Variants in MYO5B observed in about 807,000 individuals in gnomAD.
The protein encoded by MYO5B is unconventional myosin-Vb.
A neutral mutation model predicts 229.3 loss-of-function variants in MYO5B; 143 were observed. The ratio of observed to expected loss-of-function variants is 0.62; its 90% CI spans 0.54 to 0.72. MYO5B has a LOEUF of 0.72. MYO5B is among the 30% of genes least tolerant of loss of function. The pLI is 0.00. For missense variants in MYO5B, 2,321 were observed against 2,331.0 expected (o/e 1.00, Z 0.09); for synonymous variants, 918 against 885.2 (o/e 1.04, Z -0.66).
chr18:49,918,856 C>T (rs2025045488), intron 17 of MYO5B, among the ~76,000 whole-genome samples: 1 of 152,104 alleles, frequency 6.6e-6, no homozygotes, highest in Non-Finnish European at 1.5e-5. Flanking sequence ...CAAGAGTTTC[C>T]CTTGGAAGTG....
intron 4 of MYO5B, among the ~76,000 whole-genome samples, chr18:50,030,531 T>C (rs111296212): frequency 1.5e-3 from 218 of 147,848 alleles, no homozygotes; most frequent in African/African-American, 4.6e-3. Context: ...TTCACACTTA[T>C]GGGGATCCAA....
rs187143799 is a variant in MYO5B at position 49,855,882 on chromosome 18, C to G, written c.4022+931G>C. On this transcript the variant is annotated intron_variant, in intron 30 of 39. Coordinates refer to ENST00000285039, the MANE Select transcript of MYO5B (RefSeq NM_001080467.3). ...GCATGAGGGCTTCTGGCTCCTGCTC[C>G]GCCACCACCTGGCTGAGGGAGCTGG... Among the ~76,000 whole-genome samples, 30 of 152,240 alleles carry G rather than the reference C, an allele frequency of 2.0e-4. 1 individual carries two copies. The highest frequency in any genetic ancestry group is 4.1e-4 in the South Asian group (2 of 4,832).
chr18:50,094,971 G>A (rs2031521729), intron 1 of MYO5B, among the ~76,000 whole-genome samples: 1 of 152,184 alleles, frequency 6.6e-6, no homozygotes, highest in South Asian at 2.1e-4. Flanking sequence ...GGCACTACAG[G>A]CGTGCACCAC....
rs16951438 is a variant in MYO5B at position 50,055,378 on chromosome 18, A to C, written c.28T>G (p.Cys10Gly). The C allele has an allele frequency of 3.9e-3, 6,300 of 1,612,224 alleles. 112 individuals carry two copies. The African/African-American group carries it at 0.054, about 14-fold the overall frequency. Reference sequence around the variant, plus strand: ...GGGTCAGGGATCCAGACCCTTGTGCACTGAAAGATTAAAACAGAAGAAACT... The same window carrying C: ...GGGTCAGGGATCCAGACCCTTGTGCCCTGAAAGATTAAAACAGAAGAAACT... MSVGELYSQ[C>G]TRVWIPDPDE... The change falls in exon 2 of 40, where the codon TGC becomes GGC. Residue 10 changes from cysteine to glycine, a missense_variant and splice_region_variant. Coordinates refer to ENST00000285039, the MANE Select transcript of MYO5B (RefSeq NM_001080467.3).
chr18:50,030,246 T>C (rs904786096), intron 4 of MYO5B, among the ~76,000 whole-genome samples: 25 of 152,320 alleles, frequency 1.6e-4, no homozygotes, highest in African/African-American at 6.0e-4. Flanking sequence ...ATTGTCGTTT[T>C]GACCTCCAAA....
intron 1 of MYO5B, among the ~76,000 whole-genome samples, chr18:50,057,886 C>T (rs2144422134): frequency 1.3e-5 from 2 of 152,282 alleles, no homozygotes; most frequent in East Asian, 3.9e-4. Flanking sequence ...ATACTAACTA[C>T]TTACTCTTCC....
intron 34 of MYO5B, among the ~76,000 whole-genome samples, chr18:49,842,271 G>T (rs1342170283): frequency 6.6e-6 from 1 of 152,190 alleles, no homozygotes; most frequent in African/African-American, 2.4e-5. Context: ...AGAGGATCAA[G>T]GCTGGAGACA....
chr18:50,185,389 A>G (rs941676976), intron 1 of MYO5B, among the ~76,000 whole-genome samples: 19 of 152,190 alleles, frequency 1.2e-4, no homozygotes, highest in African/African-American at 4.1e-4. Flanking sequence ...GGCCATATCA[A>G]TGAAGACTAT....
intron 12 of MYO5B, among the ~76,000 whole-genome samples, chr18:49,955,672 G>A (rs751740777): frequency 7.9e-5 from 12 of 152,208 alleles, no homozygotes; most frequent in Admixed American, 7.2e-4. Context: ...AATACTCAAT[G>A]CTAAACACCA....
At chr18:50,048,564 A>G (rs1341598322) in intron 2 of MYO5B, among the ~76,000 whole-genome samples, 2 of 152,132 alleles carry the variant, frequency 1.3e-5, no homozygotes, top group Admixed American at 6.6e-5. Context: ...AGTGATCAAC[A>G]TCAGTTCTAC....
At chr18:49,933,999 T>C (rs2025222743) in intron 16 of MYO5B, among the ~76,000 whole-genome samples, 1 of 152,100 alleles carries the variant, frequency 6.6e-6, no homozygotes, top group South Asian at 2.1e-4. Context: ...CCTCAGCCTC[T>C]GGAGTAGCTG....
chr18:50,145,020 G>A (rs2032477470), intron 1 of MYO5B, among the ~76,000 whole-genome samples: 1 of 152,092 alleles, frequency 6.6e-6, no homozygotes, highest in Non-Finnish European at 1.5e-5. Context: ...CCTAAAACAG[G>A]TAACTTCTGG....
At chr18:50,030,150 T>C (rs982076707) in intron 4 of MYO5B, among the ~76,000 whole-genome samples, 4 of 152,230 alleles carry the variant, frequency 2.6e-5, no homozygotes, top group African/African-American at 7.2e-5. Context: ...CTGGAGTTGA[T>C]TGCAAAAGTC....
At chr18:50,100,622 T>C (rs1180291174) in intron 1 of MYO5B, among the ~76,000 whole-genome samples, 2 of 152,164 alleles carry the variant, frequency 1.3e-5, no homozygotes, top group Non-Finnish European at 2.9e-5. Flanking sequence ...AGACATTACC[T>C]GGTACTAGCT....
In MYO5B at chr18:50,130,851, A is replaced by G. The variant is rs564998224; in HGVS notation, c.27+63916T>C. On this transcript the variant is annotated intron_variant, in intron 1 of 39. Transcript: ENST00000285039. ...AGGAAATGGGTAAGGAATCCCGAAT[A>G]AGCTCATCTCTCAGGAAAAGGTAGT... Among the ~76,000 whole-genome samples, 5 of 152,290 alleles carry G rather than the reference A, an allele frequency of 3.3e-5. No individual in the cohort carries two copies. The South Asian group carries it at 1.0e-3, about 32-fold the overall frequency.
intron 1 of MYO5B, among the ~76,000 whole-genome samples, chr18:50,068,741 C>T (rs184340764): frequency 6.6e-6 from 1 of 152,260 alleles, no homozygotes; most frequent in Admixed American, 6.5e-5. Context: ...CACAGACCTC[C>T]CTCAGCATCC....
chr18:50,156,190 C>G (rs2032675487), intron 1 of MYO5B, among the ~76,000 whole-genome samples: 1 of 152,232 alleles, frequency 6.6e-6, no homozygotes. Context: ...TTCTAGGGAA[C>G]ATCCAGTATT....
At chr18:49,982,729 G>T (rs189244448) in intron 8 of MYO5B, among the ~76,000 whole-genome samples, 6 of 152,212 alleles carry the variant, frequency 3.9e-5, no homozygotes, top group Admixed American at 1.3e-4. Context: ...TGAATGCTTT[G>T]CAACAAACTG....
intron 1 of MYO5B, among the ~76,000 whole-genome samples, chr18:50,142,417 G>C (rs1363612380): frequency 6.6e-6 from 1 of 152,166 alleles, no homozygotes; most frequent in Non-Finnish European, 1.5e-5. Flanking sequence ...TCAGGAGAAA[G>C]GGAACCAGAT....
Sources: gnomAD v4.1 joint callset for allele counts (sites outside exome capture counted in the v4.1 genomes callset) on GRCh38, gnomAD v4.1.1 for gene constraint, MANE v1.5 for transcripts, NCBI Gene and HGNC (gene_info 2026-07-23, HGNC 2026-07-21) for gene names.